TMCO1: variants seen among roughly 807,000 people sequenced by gnomAD.
TMCO1 encodes calcium load-activated calcium channel.
A neutral mutation model predicts 29.3 loss-of-function variants in TMCO1; 29 were observed. The observed-to-expected ratio is 0.99, with a 90% CI of 0.74 to 1.35. TMCO1 has a LOEUF of 1.35. Among genes scored for constraint, TMCO1 ranks in the 40% most tolerant of loss-of-function variants. The probability of loss-of-function intolerance (pLI) is 0.00; values close to 1 mark genes in which losing one functional copy is unlikely to be tolerated. For missense variants in TMCO1, 173 were observed against 225.5 expected, an observed-to-expected ratio of 0.77 and a Z score of 1.49; for synonymous variants, 80 against 77.1, an observed-to-expected ratio of 1.04 and a Z score of -0.20.
chr1:165,743,093 T>C (rs1651653439), intron 6 of TMCO1, 74 bp downstream of exon 6: 2 of 1,540,724 alleles, frequency 1.3e-6, no homozygotes, highest in African/African-American at 1.4e-5. Context: ...ATTTCTAGTA[T>C]TATAAAAGTA....
intron 2 of TMCO1, among the ~76,000 whole-genome samples, chr1:165,760,537 C>T (rs1450304217): frequency 1.3e-5 from 2 of 152,046 alleles, no homozygotes; most frequent in East Asian, 3.9e-4. Context: ...GGTGCAGCGG[C>T]TCACACCTGT....
intron 6 of TMCO1, among the ~76,000 whole-genome samples, chr1:165,741,749 C>T (rs1651602484): frequency 6.6e-6 from 1 of 151,882 alleles, no homozygotes; most frequent in Non-Finnish European, 1.5e-5. Flanking sequence ...GGTTTAGCAC[C>T]ATCCCCCTTG....
chr1:165,763,531 C>T (rs906528469), intron 2 of TMCO1, among the ~76,000 whole-genome samples: 2 of 152,180 alleles, frequency 1.3e-5, no homozygotes, highest in Non-Finnish European at 2.9e-5. Flanking sequence ...AATCATCAAC[C>T]TACCTCATAC....
intron 2 of TMCO1, among the ~76,000 whole-genome samples, chr1:165,765,166 A>T (rs1475110512): frequency 1.3e-5 from 2 of 152,266 alleles, no homozygotes; most frequent in Non-Finnish European, 2.9e-5. Context: ...ACAATAAGCA[A>T]TAACATGATA....
At chr1:165,724,495 A>T (rs1044435039), downstream of TMCO1, 7 of 453,996 alleles carry the variant, frequency 1.5e-5, no homozygotes, top group African/African-American at 1.4e-4. Flanking sequence ...AGGTGAGTGA[A>T]CCCCAAACCT....
chr1:165,757,804 A>G (rs1431762386), intron 3 of TMCO1, among the ~76,000 whole-genome samples: 1 of 152,030 alleles, frequency 6.6e-6, no homozygotes, highest in African/African-American at 2.4e-5. Flanking sequence ...GGCAATAAAT[A>G]TTATTTCTTA....
chr1:165,733,940 C>G (rs1039288738), intron 6 of TMCO1, among the ~76,000 whole-genome samples: 18 of 152,228 alleles, frequency 1.2e-4, no homozygotes, highest in Non-Finnish European at 1.0e-4. Flanking sequence ...TTGTTGGTTG[C>G]TAACTGGATA....
At chr1:165,763,049 G>A (rs1227346979) in intron 2 of TMCO1, among the ~76,000 whole-genome samples, 1 of 152,100 alleles carries the variant, frequency 6.6e-6, no homozygotes, top group Non-Finnish European at 1.5e-5. Flanking sequence ...CAGCTCAGTA[G>A]GACTGCTTTT....
In TMCO1 at chr1:165,743,329, A is replaced by G; in HGVS notation, c.324-18T>C. 2 of 1,609,958 alleles carry G rather than the reference A, an allele frequency of 1.2e-6. No individual in the cohort carries two copies. The highest frequency in any genetic ancestry group is 4.5e-5 in the East Asian group (2 of 44,828). ...CATCAAATCTAAAAGAAAAAAAAAA[A>G]AAAAGAATTGTTATCTTTGGAAGAC... On this transcript the variant is annotated intron_variant, in intron 5 of 6. Transcript: ENST00000367881.
intron 2 of TMCO1, among the ~76,000 whole-genome samples, chr1:165,761,181 G>C (rs1430790702): frequency 2.0e-5 from 3 of 152,010 alleles, no homozygotes; most frequent in Non-Finnish European, 2.9e-5. Flanking sequence ...TTGTGTGTGT[G>C]TGTGTGTGTG....
intron 2 of TMCO1, 52 bp downstream of exon 2, chr1:165,768,140 A>G: frequency 4.3e-6 from 6 of 1,401,172 alleles, no homozygotes; most frequent in Non-Finnish European, 5.1e-6. Context: ...GTGAACATGG[A>G]CTTAATGAGC....
chr1:165,759,809 T>C (rs1048643918), intron 2 of TMCO1, among the ~76,000 whole-genome samples: 2 of 152,160 alleles, frequency 1.3e-5, no homozygotes, highest in Non-Finnish European at 2.9e-5. Context: ...ATTAATCAAA[T>C]ACCCATAAAG....
downstream of TMCO1, chr1:165,725,972 T>C (rs1650873244): frequency 3.0e-6 from 2 of 674,914 alleles, no homozygotes; most frequent in Non-Finnish European, 5.4e-6. Flanking sequence ...ACATAATTTG[T>C]ATATGAAAAC....
At chr1:165,746,765 T>C (rs1315106828) in intron 5 of TMCO1, among the ~76,000 whole-genome samples, 2 of 152,160 alleles carry the variant, frequency 1.3e-5, no homozygotes, top group Non-Finnish European at 2.9e-5. Context: ...TATTTAACCC[T>C]CTTCTGGTTG....
downstream of TMCO1, chr1:165,726,465 C>A (rs933506096): frequency 1.8e-5 from 10 of 553,754 alleles, no homozygotes; most frequent in African/African-American, 3.7e-5. Context: ...TAATATAGAG[C>A]TTGACAGCCT....
At chr1:165,725,957 T>C (rs1290568429), downstream of TMCO1, 3 of 665,566 alleles carry the variant, frequency 4.5e-6, no homozygotes, top group Non-Finnish European at 8.3e-6. Context: ...TTCCTTACCA[T>C]GGAAACATAA....
chr1:165,758,144 C>G (rs1297864353), intron 3 of TMCO1, among the ~76,000 whole-genome samples: 1 of 152,164 alleles, frequency 6.6e-6, no homozygotes, highest in South Asian at 2.1e-4. Flanking sequence ...CCATCATCAT[C>G]AGGCCCTTCC....
intron 6 of TMCO1, among the ~76,000 whole-genome samples, chr1:165,732,653 A>C (rs1483332685): frequency 3.3e-5 from 5 of 151,938 alleles, no homozygotes; most frequent in African/African-American, 1.2e-4. Flanking sequence ...CAATTGTAAC[A>C]AATGTACCAC....
intron 6 of TMCO1, 45 bp from the exon 7 acceptor site, chr1:165,728,166 A>G (rs369419998): frequency 4.7e-6 from 7 of 1,485,410 alleles, no homozygotes; most frequent in African/African-American, 1.4e-5. Context: ...TATCAAATAT[A>G]CAGAAGATGT....
Sources: gnomAD v4.1 joint callset for allele counts (sites outside exome capture counted in the v4.1 genomes callset) on GRCh38, gnomAD v4.1.1 for gene constraint, MANE v1.5 for transcripts, NCBI Gene and HGNC (gene_info 2026-07-23, HGNC 2026-07-21) for gene names.